Variants in ABCC11 observed in about 807,000 individuals in gnomAD.
The protein encoded by ABCC11 is ATP-binding cassette sub-family C member 11.
ABCC11 carries 135 observed loss-of-function variants against 149.3 expected under a neutral mutation model. The ratio of observed to expected loss-of-function variants is 0.90; its 90% confidence interval spans 0.79 to 1.04. The LOEUF is 1.04. Among genes scored for constraint, ABCC11 ranks in the 50% least tolerant of loss-of-function variants. The probability of loss-of-function intolerance (pLI) is 0.00; values close to 1 mark genes in which losing one functional copy is unlikely to be tolerated. For missense variants in ABCC11, 1,680 were observed against 1,722.1 expected (o/e 0.98, Z 0.43); for synonymous variants, 665 against 671.4 (o/e 0.99, Z 0.15).
chr16:48,184,533 G>C lies in ABCC11; in HGVS notation c.3165C>G (p.Asn1055Lys), dbSNP rs746453960. ...ACAGGGCAACAGCCAAGGTCACAAG[G>C]TTGGTCATGATCTCCAGCCTCAATG... The part of the protein sequence containing the change: ...WMALRLEIMT[N>K]LVTLAVALFV... Residue 1055 changes from asparagine to lysine, a missense_variant, in exon 23 of 30, where the codon AAC (asparagine) becomes AAG (lysine). Transcript: ENST00000356608. 9.9e-6 allele frequency: 16 copies of C among 1,614,116 alleles called. No individual in the cohort carries two copies. Among genetic ancestry groups the C allele is most frequent in the Non-Finnish European group, 1.4e-5 (16 of 1,180,046 alleles).
At chr16:48,231,169 T>C (rs1970393645) in intron 2 of ABCC11, among the ~76,000 whole-genome samples, 1 of 151,920 alleles carries the variant, frequency 6.6e-6, no homozygotes, top group Admixed American at 6.6e-5. Context: ...AGCTGATGTA[T>C]TGGTGATGGG....
intron 1 of ABCC11, among the ~76,000 whole-genome samples, chr16:48,246,612 C>T (rs967282881): frequency 6.6e-6 from 1 of 152,116 alleles, no homozygotes; most frequent in Non-Finnish European, 1.5e-5. Flanking sequence ...ATTCTGTCTC[C>T]TCCGCTGAAG....
intron 12 of ABCC11, among the ~76,000 whole-genome samples, 158 bp downstream of exon 12, chr16:48,208,267 C>T (rs1025355026): frequency 1.3e-5 from 2 of 152,188 alleles, no homozygotes; most frequent in African/African-American, 2.4e-5. Flanking sequence ...ACGCACCTCC[C>T]GCACAGTGCA....
chr16:48,167,411 G>T, intron 29 of ABCC11, 45 bp from the exon 30 acceptor site: 1 of 1,556,586 alleles, frequency 6.4e-7, no homozygotes, highest in Non-Finnish European at 8.9e-7. Context: ...GCACAGCTGA[G>T]CTTGTGTCCT....
intron 23 of ABCC11, 76 bp from the exon 24 acceptor site, chr16:48,178,762 A>G (rs761189523): frequency 1.0e-5 from 13 of 1,283,628 alleles, no homozygotes; most frequent in Non-Finnish European, 1.5e-5. Flanking sequence ...CCTGATAACC[A>G]CTGATTGCCA....
Position 48,216,232 on chromosome 16 carries a change from C to T in ABCC11, c.833G>A (p.Gly278Glu). ...TGCGCAGGTGATCAGTACTAGGGGT[C>T]CATAGCACACCCCTTCAAACAGGTA... is the stretch of plus-strand genomic sequence containing the variant. The part of the protein sequence containing the change: ...VNYLFEGVCY[G>E]PLVLITCASL... The change falls in exon 7 of 30, where the codon GGA becomes GAA. Residue 278 changes from glycine (G) to glutamate (E), a missense_variant. By Grantham distance (98) the Gly-to-Glu change is moderately conservative. Coordinates refer to ENST00000356608, the MANE Select transcript of ABCC11 (RefSeq NM_001370497.1). 1 of 1,613,452 alleles carries T rather than the reference C, an allele frequency of 6.2e-7. No individual in the cohort carries two copies. Among genetic ancestry groups the T allele is most frequent in the African/African-American group, 1.3e-5 (1 of 75,012 alleles).
In ABCC11 at chr16:48,187,435, G is replaced by A; in HGVS notation, c.2707-8C>T. The A allele has an allele frequency of 6.2e-7, 1 of 1,602,674 alleles. No individual in the cohort carries two copies. Among genetic ancestry groups the A allele is most frequent in the Non-Finnish European group, 8.5e-7 (1 of 1,173,506 alleles). On this transcript the variant is annotated splice_polypyrimidine_tract_variant and splice_region_variant and intron_variant, in intron 20 of 29. Coordinates refer to ENST00000356608, the MANE Select transcript of ABCC11 (RefSeq NM_001370497.1). ...CATGGGGCAGCGGAAAACCTGCAGG[G>A]ACAAAATCAACGCAGACCATGAGAG...
At chr16:48,199,169 T>C (rs1032389900) in intron 15 of ABCC11, among the ~76,000 whole-genome samples, 1 of 151,726 alleles carries the variant, frequency 6.6e-6, no homozygotes, top group Admixed American at 6.6e-5. Context: ...TCTATAAAGT[T>C]TAAAAATATG....
intron 1 of ABCC11, among the ~76,000 whole-genome samples, chr16:48,239,561 CA>C (rs756121627): frequency 0.14 from 6,491 of 47,282 alleles, 37 homozygotes; most frequent in Middle Eastern, 0.16. Context: ...GACTGTGTCA[CA>C]AAAAAAAAAA....
chr16:48,167,590 C>T lies in ABCC11; in HGVS notation c.3962G>A (p.Arg1321His), dbSNP rs762213795. The T allele has an allele frequency of 3.0e-5, 49 of 1,612,314 alleles. No homozygotes were observed. The highest frequency in any genetic ancestry group is 3.4e-5 in the Non-Finnish European group (40 of 1,180,012). ...CACGGTGCAGCCCTGGAAGGCTTCA[C>T]GGATTGTGCGCTGGATCAGGGTGTC... ...ETDTLIQRTI[R>H]EAFQGCTVLV... Residue 1321 changes from arginine (R) to histidine (H), a missense_variant, in exon 29 of 30, where the codon CGT becomes CAT. Physicochemically the swap from Arg to His is conservative, Grantham distance 29. Transcript: ENST00000356608.
intron 14 of ABCC11, among the ~76,000 whole-genome samples, chr16:48,200,797 T>C (rs1012388263): frequency 3.3e-5 from 5 of 152,152 alleles, no homozygotes; most frequent in Non-Finnish European, 7.3e-5. Flanking sequence ...TCAAGTTAGA[T>C]AGAAAGAATA....
At chr16:48,231,769 G>T in intron 2 of ABCC11, 54 bp downstream of exon 2, 2 of 1,593,408 alleles carry the variant, frequency 1.3e-6, no homozygotes, top group Non-Finnish European at 8.6e-7. Context: ...TGACCGTGGA[G>T]AATATTCTGC....
chr16:48,215,108 T>C lies in ABCC11; in HGVS notation c.1100-79A>G. On this transcript the variant is annotated intron_variant, in intron 8 of 29. Transcript: ENST00000356608. ...GAGCACAGCACCATCCCCAAAGCAT[T>C]AAAAAGAAAAAAAATCCTCAAGAGG... The C allele has an allele frequency of 2.5e-6, 4 of 1,580,326 alleles. No homozygotes were observed. In the African/African-American group the frequency reaches 5.5e-5, roughly 22 times the overall value.
chr16:48,206,571 G>A, intron 12 of ABCC11, among the ~76,000 whole-genome samples: 1 of 152,210 alleles, frequency 6.6e-6, no homozygotes, highest in East Asian at 1.9e-4. Context: ...TTGGAGCCAA[G>A]CTTTAATGAA....
intron 23 of ABCC11, 113 bp from the exon 24 acceptor site, chr16:48,178,799 A>C: frequency 1.1e-6 from 1 of 904,302 alleles, no homozygotes; most frequent in Admixed American, 2.3e-5. Flanking sequence ...CCTGAAACTA[A>C]GATAATTTTC....
At chr16:48,230,385 A>T in intron 3 of ABCC11, 52 bp downstream of exon 3, 2 of 1,492,026 alleles carry the variant, frequency 1.3e-6, no homozygotes, top group East Asian at 2.4e-5. Flanking sequence ...AGGGTTGGGG[A>T]TCATTGCCCT....
chr16:48,215,178 A>C lies in ABCC11; in HGVS notation c.1099+19T>G. On this transcript the variant is annotated intron_variant, in intron 8 of 29. Coordinates refer to ENST00000356608, the MANE Select transcript of ABCC11 (RefSeq NM_001370497.1). ...CATGCCATCACCAGGTTTGGAGCAGAAAGTCAGACTTTCCATACCTTCAAT... is the reference window on the plus strand; with the variant it reads ...CATGCCATCACCAGGTTTGGAGCAGCAAGTCAGACTTTCCATACCTTCAAT... 6.2e-7 allele frequency: 1 copy of C among 1,602,252 alleles called. No individual in the cohort carries two copies. The highest frequency in any genetic ancestry group is 8.5e-7 in the Non-Finnish European group (1 of 1,170,310).
At chr16:48,169,659 T>C (rs963197298) in intron 28 of ABCC11, among the ~76,000 whole-genome samples, 1 of 150,904 alleles carries the variant, frequency 6.6e-6, no homozygotes, top group Non-Finnish European at 1.5e-5. Flanking sequence ...AGCAAACTAT[T>C]GCAAGGACAA....
At chr16:48,232,107 C>G in intron 1 of ABCC11, 168 bp from the exon 2 acceptor site, 1 of 1,361,888 alleles carries the variant, frequency 7.3e-7, no homozygotes, top group South Asian at 1.8e-5. Context: ...TGCTTGATCC[C>G]TCTTTTTAAA....
Sources: allele counts gnomAD v4.1 joint callset (sites outside exome capture counted in the v4.1 genomes callset), GRCh38; gene constraint gnomAD v4.1.1; transcripts MANE v1.5; gene names NCBI Gene and HGNC (gene_info 2026-07-23, HGNC 2026-07-21).